SEZ6L: variants seen among roughly 807,000 people sequenced by gnomAD.
SEZ6L encodes the protein seizure related 6 homolog like, also known as seizure 6-like protein.
A neutral mutation model predicts 106.2 loss-of-function variants in SEZ6L; 37 were observed. The observed-to-expected ratio is 0.35, with a 90% CI of 0.27 to 0.46. SEZ6L has a LOEUF of 0.46. SEZ6L is among the 20% of genes least tolerant of loss of function. The pLI is 1.00. For synonymous variants in SEZ6L, 541 were observed against 570.4 expected, an observed-to-expected ratio of 0.95 and a Z score of 0.73; for missense variants, 1,172 against 1,332.8, an observed-to-expected ratio of 0.88 and a Z score of 1.88.
At chr22:26,270,268 G>C (rs1348669403) in intron 1 of SEZ6L, among the ~76,000 whole-genome samples, 1 of 152,176 alleles carries the variant, frequency 6.6e-6, no homozygotes, top group African/African-American at 2.4e-5. Flanking sequence ...TGTTGTTCTT[G>C]TTGTCATCTT....
At chr22:26,195,765 T>A (rs1051639375) in intron 1 of SEZ6L, among the ~76,000 whole-genome samples, 4 of 151,792 alleles carry the variant, frequency 2.6e-5, no homozygotes, top group African/African-American at 7.3e-5. Flanking sequence ...ATGTATAGTG[T>A]GTATGTACAT....
chr22:26,354,880 G>A (rs2083391792), intron 12 of SEZ6L, among the ~76,000 whole-genome samples: 1 of 152,146 alleles, frequency 6.6e-6, no homozygotes, highest in South Asian at 2.1e-4. Flanking sequence ...AGCCACGCGG[G>A]GTGTCAGGAG....
At chr22:26,327,560 C>T (rs909543676) in intron 9 of SEZ6L, among the ~76,000 whole-genome samples, 5 of 147,896 alleles carry the variant, frequency 3.4e-5, no homozygotes, top group African/African-American at 1.0e-4. Context: ...ACCATACACA[C>T]ACCCCACACA....
chr22:26,359,464 G>T (rs1041961952), intron 12 of SEZ6L, among the ~76,000 whole-genome samples: 1 of 152,120 alleles, frequency 6.6e-6, no homozygotes, highest in East Asian at 1.9e-4. Flanking sequence ...CCTTTAACAC[G>T]TTACCCAACC....
intron 1 of SEZ6L, among the ~76,000 whole-genome samples, chr22:26,211,107 C>T (rs1161186448): frequency 1.3e-5 from 2 of 152,324 alleles, no homozygotes; most frequent in Non-Finnish European, 2.9e-5. Flanking sequence ...GCCTCAAGCC[C>T]TGGTCTTCTC....
intron 1 of SEZ6L, among the ~76,000 whole-genome samples, chr22:26,244,056 A>AG (rs1330941640): frequency 1.3e-5 from 2 of 152,028 alleles, no homozygotes; most frequent in African/African-American, 4.8e-5. Context: ...CCAGCTACTT[A>AG]GGGGGCTGAA....
chr22:26,194,170 T>C (rs1940430759), intron 1 of SEZ6L, among the ~76,000 whole-genome samples: 1 of 152,188 alleles, frequency 6.6e-6, no homozygotes, highest in South Asian at 2.1e-4. Flanking sequence ...GCAAGAACTT[T>C]GGGGCTGAAA....
chr22:26,290,439 G>A (rs1366927597), intron 1 of SEZ6L, among the ~76,000 whole-genome samples: 1 of 152,246 alleles, frequency 6.6e-6, no homozygotes, highest in Admixed American at 6.5e-5. Flanking sequence ...GGCTGAGGCA[G>A]GAGAATGGCG....
intron 9 of SEZ6L, among the ~76,000 whole-genome samples, chr22:26,317,016 G>A (rs2082024603): frequency 6.6e-6 from 1 of 152,072 alleles, no homozygotes; most frequent in Admixed American, 6.6e-5. Flanking sequence ...CCTACATGAT[G>A]AGAACATCTG....
At chr22:26,303,880 A>G (rs6004993) in intron 5 of SEZ6L, among the ~76,000 whole-genome samples, 1,706 of 152,226 alleles carry the variant, frequency 0.011, 23 homozygotes, top group African/African-American at 0.039. Flanking sequence ...TGGGAAGGAA[A>G]TATTTTTCAA....
intron 1 of SEZ6L, among the ~76,000 whole-genome samples, chr22:26,262,145 A>AAT (rs10669410): frequency 0.12 from 18,400 of 149,158 alleles, 1,535 homozygotes; most frequent in East Asian, 0.34. Context: ...GTATAATGGG[A>AAT]ATATATATAT....
chr22:26,308,595 C>A (rs2018293), intron 6 of SEZ6L, among the ~76,000 whole-genome samples: 1 of 151,928 alleles, frequency 6.6e-6, no homozygotes, highest in African/African-American at 2.4e-5. Flanking sequence ...GGAGACACTG[C>A]GCCCACCCTA....
intron 3 of SEZ6L, among the ~76,000 whole-genome samples, chr22:26,296,323 C>G (rs939853820): frequency 6.6e-6 from 1 of 152,042 alleles, no homozygotes; most frequent in African/African-American, 2.4e-5. Context: ...AAATGAGGCC[C>G]CCACCCCTCA....
chr22:26,223,026 G>A lies in SEZ6L; in HGVS notation c.94+53263G>A, dbSNP rs184409850. On this transcript the variant is annotated intron_variant, in intron 1 of 16. Coordinates refer to ENST00000248933, the MANE Select transcript of SEZ6L (RefSeq NM_021115.5). ...TTATCTGGCCCCAAATGTCAATAGC[G>A]CCTAGGTTGAGAATTCCTGATCTGT... 4.6e-4 allele frequency among the ~76,000 whole-genome samples: 70 copies of A among 151,922 alleles called. 1 individual carries two copies. The East Asian group carries it at 8.3e-3, about 18-fold the overall frequency.
intron 1 of SEZ6L, among the ~76,000 whole-genome samples, chr22:26,290,019 G>A (rs1322430230): frequency 6.6e-6 from 1 of 152,184 alleles, no homozygotes; most frequent in Non-Finnish European, 1.5e-5. Context: ...ACTCACTACG[G>A]GTGAGGCGCT....
At chr22:26,317,738 T>C (rs921599805) in intron 9 of SEZ6L, among the ~76,000 whole-genome samples, 1 of 152,024 alleles carries the variant, frequency 6.6e-6, no homozygotes, top group Non-Finnish European at 1.5e-5. Context: ...GGGGCAGGCT[T>C]TCTCTCTTCT....
At chr22:26,333,996 GTC>G (rs2082569664) in intron 9 of SEZ6L, among the ~76,000 whole-genome samples, 2 of 151,398 alleles carry the variant, frequency 1.3e-5, no homozygotes, top group African/African-American at 4.9e-5. Context: ...AAGAGAGAGA[GTC>G]AGAAATGAGG....
At chr22:26,245,347 A>G (rs551413901) in intron 1 of SEZ6L, among the ~76,000 whole-genome samples, 103 of 152,276 alleles carry the variant, frequency 6.8e-4, no homozygotes, top group African/African-American at 2.3e-3. Flanking sequence ...AAGAGAGACG[A>G]GAGACAAAGA....
chr22:26,292,601 C>G lies in SEZ6L; in HGVS notation c.290C>G (p.Pro97Arg). 11 of 1,613,512 alleles carry G rather than the reference C, an allele frequency of 6.8e-6. No individual in the cohort carries two copies. Among genetic ancestry groups the G allele is most frequent in the Non-Finnish European group, 9.3e-6 (11 of 1,179,794 alleles). Residue 97 changes from proline to arginine, a missense_variant, in exon 2 of 17, where the codon CCA (proline) becomes CGA (arginine). Transcript: ENST00000248933. ...GTAPSAHHDI[P>R]ALSPLLPEEA... ...GCACCCTCTGCACATCACGACATCC[C>G]AGCCCTGTCACCGCTGCTTCCAGAG...
Sources: allele counts gnomAD v4.1 joint callset (sites outside exome capture counted in the v4.1 genomes callset), GRCh38; gene constraint gnomAD v4.1.1; transcripts MANE v1.5; gene names NCBI Gene and HGNC (gene_info 2026-07-23, HGNC 2026-07-21).